Variants in ZNF91 observed in about 807,000 individuals in gnomAD.
ZNF91 encodes zinc finger protein 91 (HPF7, HTF10).
A neutral mutation model predicts 12.6 loss-of-function variants in ZNF91; 7 were observed. That is an observed-to-expected ratio of 0.55 (90% CI 0.31 to 1.04). The LOEUF (loss-of-function observed/expected upper bound fraction) is 1.04, where lower values mean the gene tolerates loss of function less well. ZNF91 is among the 50% of genes least tolerant of loss of function. The pLI is 0.05. For synonymous variants in ZNF91, 453 were observed against 462.6 expected (o/e 0.98, Z 0.27); for missense variants, 1,217 against 1,385.4 (o/e 0.88, Z 1.93).
upstream of ZNF91, among the ~76,000 whole-genome samples, chr19:23,314,832 GGCACA>G (rs1967526736): frequency 6.6e-6 from 1 of 152,192 alleles, no homozygotes; most frequent in Non-Finnish European, 1.5e-5. Flanking sequence ...TTTATTGCTG[GGCACA>G]GCACCTAGGT....
upstream of ZNF91, among the ~76,000 whole-genome samples, chr19:23,311,426 C>T (rs761854227): frequency 6.6e-6 from 1 of 152,112 alleles, no homozygotes; most frequent in Non-Finnish European, 1.5e-5. Flanking sequence ...CTATTTCCTA[C>T]GTGATGTGTC....
chr19:23,326,373 G>A (rs1473361748), intron 1 of ZNF91: 1 of 152,066 alleles, frequency 6.6e-6, no homozygotes, highest in Non-Finnish European at 1.5e-5. Context: ...TGTTATCCAG[G>A]CTGGTGTGCA....
In ZNF91 at chr19:23,323,225, TCTC is replaced by T. The variant is rs1294541451; in HGVS notation, n.117-14131_117-14129del. Among the ~76,000 whole-genome samples, 7 of 148,088 alleles carry T rather than the reference TCTC, an allele frequency of 4.7e-5. No individual in the cohort carries two copies. In the East Asian group the frequency reaches 6.1e-4, roughly 13 times the overall value. ...TCCTCTTCCTCTTACTTTTCCTTTC[TCTC>T]CTTCTTCTCCTCTCCTTTCTCCTCT... On this transcript the variant is annotated intron_variant and non_coding_transcript_variant, in intron 1 of 1. Coordinates refer to the ZNF91 transcript ENST00000596528.
downstream of ZNF91, among the ~76,000 whole-genome samples, chr19:23,353,206 G>C (rs1968409878): frequency 6.6e-6 from 1 of 152,076 alleles, no homozygotes; most frequent in Non-Finnish European, 1.5e-5. Context: ...CATATGATAG[G>C]CCATAAAATA....
chr19:23,332,062 C>A (rs1967936200), intron 1 of ZNF91, among the ~76,000 whole-genome samples: 1 of 152,156 alleles, frequency 6.6e-6, no homozygotes, highest in Non-Finnish European at 1.5e-5. Context: ...ATTCAAGTTG[C>A]AGACAAACTT....
chr19:23,336,613 C>A (rs915754652), downstream of ZNF91, among the ~76,000 whole-genome samples: 1 of 152,222 alleles, frequency 6.6e-6, no homozygotes, highest in African/African-American at 2.4e-5. Flanking sequence ...GGCATTTATT[C>A]ATGCAAGCTT....
chr19:23,394,820 TC>T (rs1970179005), intron 1 of ZNF91, among the ~76,000 whole-genome samples: 1 of 152,216 alleles, frequency 6.6e-6, no homozygotes, highest in Non-Finnish European at 1.5e-5. Context: ...AATATCTCCT[TC>T]AAGGCCTTTC....
At chr19:23,348,814 G>A (rs551942481) in intron 3 of ZNF91, among the ~76,000 whole-genome samples, 5 of 152,288 alleles carry the variant, frequency 3.3e-5, no homozygotes, top group East Asian at 1.9e-4. Context: ...ATGGATGGAC[G>A]TGTGAGTAGG....
chr19:23,321,295 G>T (rs1405931026), intron 1 of ZNF91, among the ~76,000 whole-genome samples: 2 of 152,206 alleles, frequency 1.3e-5, no homozygotes, highest in Non-Finnish European at 2.9e-5. Flanking sequence ...AGGAGGCATT[G>T]TGGCATATCG....
intron 1 of ZNF91, chr19:23,325,896 A>T (rs528674406): frequency 6.6e-6 from 1 of 152,276 alleles, no homozygotes; most frequent in East Asian, 1.9e-4. Flanking sequence ...GCCTAATAAC[A>T]TCTCTTCCCT....
chr19:23,360,118 G>A lies in ZNF91; in HGVS notation c.2861C>T (p.Thr954Ile), dbSNP rs1203339494. The A allele has an allele frequency of 2.5e-6, 4 of 1,613,448 alleles. No individual in the cohort carries two copies. The African/African-American group carries it at 5.3e-5, about 22-fold the overall frequency. The part of the protein sequence containing the change: ...GKAFSQSSTL[T>I]THKIIHTGEK... ...TCCAGTATGAATTATCTTATGTGTA[G>A]TAAGGGTTGAGGATTGGCTAAAAGC... is the stretch of plus-strand genomic sequence containing the variant. Residue 954 changes from threonine to isoleucine, a missense_variant, in exon 4 of 4, where the codon ACT (threonine) becomes ATT (isoleucine). Thr to Ile is a moderately conservative substitution (Grantham distance 89). Transcript: ENST00000300619.
intron 1 of ZNF91, among the ~76,000 whole-genome samples, chr19:23,388,567 T>C (rs141343174): frequency 9.9e-5 from 15 of 152,096 alleles, no homozygotes; most frequent in African/African-American, 2.2e-4. Context: ...TGGAGACCAT[T>C]ATTCTTGGAA....
chr19:23,368,438 C>T (rs953009865), intron 3 of ZNF91, among the ~76,000 whole-genome samples: 2 of 150,712 alleles, frequency 1.3e-5, no homozygotes, highest in African/African-American at 2.4e-5. Context: ...TTGCTTGAAC[C>T]CAGGAGGTGG....
Position 23,362,485 on chromosome 19 carries a change from T to G in ZNF91, c.494A>C (p.Lys165Thr). Residue 165 changes from lysine (K) to threonine (T), a missense_variant, in exon 4 of 4, where the codon AAA (lysine) becomes ACA (threonine). By Grantham distance (78) the Lys-to-Thr change is moderately conservative. Coordinates refer to ENST00000300619, the MANE Select transcript of ZNF91 (RefSeq NM_003430.4). The stretch of plus-strand genomic sequence containing the variant: ...CGTATGTCTGTTTGAATTTAAAAAT[T>G]TATAGAAGACTTTCAAATATTTCCC... ...QCGKYLKVFY[K>T]FLNSNRHTIR... 1.2e-6 allele frequency: 2 copies of G among 1,603,916 alleles called. No homozygotes were observed. Among genetic ancestry groups the G allele is most frequent in the Non-Finnish European group, 8.5e-7 (1 of 1,176,606 alleles).
intron 1 of ZNF91, among the ~76,000 whole-genome samples, chr19:23,321,359 AGAAG>A (rs1449275970): frequency 1.3e-5 from 2 of 152,152 alleles, no homozygotes; most frequent in African/African-American, 4.8e-5. Flanking sequence ...GGTGCTGCAC[AGAAG>A]GGACATTGTG....
In ZNF91 at chr19:23,358,806, T is replaced by C; in HGVS notation, c.*597A>G. 6.0e-6 allele frequency: 1 copy of C among 166,472 alleles called. No homozygotes were observed. Among genetic ancestry groups the C allele is most frequent in the Non-Finnish European group, 1.4e-5 (1 of 73,986 alleles). The allele number at this position is 166,472 out of a possible 1,614,324, so 10.3% of individuals were successfully genotyped here. ...TCTAGGATTTCTCAGCAGCATGATT[T>C]TCTTGATGTTTAGAAAAGTTTGACT... On this transcript the variant is annotated 3_prime_UTR_variant, in exon 4 of 4. Coordinates refer to ENST00000300619, the MANE Select transcript of ZNF91 (RefSeq NM_003430.4).
chr19:23,387,941 CAAAAAAAAAAA>C (rs71163499), intron 1 of ZNF91, among the ~76,000 whole-genome samples: 1 of 56,306 alleles, frequency 1.8e-5, no homozygotes, highest in Non-Finnish European at 3.2e-5. Context: ...GAGACTGTCT[CAAAAAAAAAAA>C]AAAAAAAAAA....
At chr19:23,356,340 T>TATATAAAC (rs1192827688), downstream of ZNF91, among the ~76,000 whole-genome samples, 2 of 151,552 alleles carry the variant, frequency 1.3e-5, no homozygotes, top group Non-Finnish European at 2.9e-5. Context: ...TATATATAAA[T>TATATAAAC]ATATAAACAC....
At position 23,318,748 on chromosome 19, in the gene ZNF91, C is replaced by T. The variant is rs184373998; in HGVS notation, n.117-9651G>A. Among the ~76,000 whole-genome samples the T allele has an allele frequency of 1.4e-3, 220 of 152,324 alleles. 1 individual carries two copies. The highest frequency in any genetic ancestry group is 5.8e-4 in the East Asian group (3 of 5,178). ...GCCCACAGAAGGTAGAGTGAATTAT[C>T]CCTAAGCCCAACACACAGGTGATGT... On this transcript the variant is annotated intron_variant and non_coding_transcript_variant, in intron 1 of 1. Transcript: ENST00000596528.
Sources: allele counts gnomAD v4.1 joint callset (sites outside exome capture counted in the v4.1 genomes callset), GRCh38; gene constraint gnomAD v4.1.1; transcripts MANE v1.5; gene names NCBI Gene and HGNC (gene_info 2026-07-23, HGNC 2026-07-21).